ADARB2: variants seen among roughly 807,000 people sequenced by gnomAD.
ADARB2 encodes inactive double-stranded RNA-specific editase B2.
ADARB2 carries 25 observed loss-of-function variants against 62.2 expected under a neutral mutation model. The observed-to-expected ratio is 0.40, with a 90% CI of 0.29 to 0.56. The LOEUF is 0.56. Among genes scored for constraint, ADARB2 ranks in the 20% least tolerant of loss-of-function variants. ADARB2 has a pLI of 0.43. For synonymous variants in ADARB2, 572 were observed against 500.8 expected, an observed-to-expected ratio of 1.14 and a Z score of -1.90; for missense variants, 1,071 against 1,077.4, an observed-to-expected ratio of 0.99 and a Z score of 0.08.
chr10:1,521,456 C>T (rs1832073363), intron 1 of ADARB2, among the ~76,000 whole-genome samples: 1 of 152,212 alleles, frequency 6.6e-6, no homozygotes, highest in South Asian at 2.1e-4. Flanking sequence ...ACTTCCTCCC[C>T]AGCCAGGGCT....
chr10:1,418,069 C>A (rs1211864069), intron 1 of ADARB2, among the ~76,000 whole-genome samples: 1 of 152,212 alleles, frequency 6.6e-6, no homozygotes, highest in Non-Finnish European at 1.5e-5. Context: ...GACTTTGGAG[C>A]AGACGGCCCA....
intron 3 of ADARB2, among the ~76,000 whole-genome samples, chr10:1,332,400 A>G (rs1831936316): frequency 6.8e-6 from 1 of 147,998 alleles, no homozygotes; most frequent in Non-Finnish European, 1.5e-5. Flanking sequence ...TGGGTGATGG[A>G]GTGAGACCTT....
chr10:1,331,454 C>G (rs144670012), intron 3 of ADARB2, among the ~76,000 whole-genome samples: 1 of 152,276 alleles, frequency 6.6e-6, no homozygotes, highest in African/African-American at 2.4e-5. Context: ...TGACGTATGC[C>G]ACACCCTAAA....
chr10:1,675,899 A>T (rs1834461444), intron 1 of ADARB2: 1 of 778,658 alleles, frequency 1.3e-6, no homozygotes, highest in Non-Finnish European at 1.6e-6. Context: ...AGCTCAGAGG[A>T]AGGGGCTGCA....
At chr10:1,656,201 G>A (rs1219037661) in intron 1 of ADARB2, among the ~76,000 whole-genome samples, 2 of 152,106 alleles carry the variant, frequency 1.3e-5, no homozygotes, top group African/African-American at 4.8e-5. Context: ...CGCCAAAATG[G>A]GCATCAATTA....
intron 3 of ADARB2, among the ~76,000 whole-genome samples, chr10:1,329,183 C>G (rs1424242525): frequency 2.6e-5 from 4 of 152,136 alleles, no homozygotes; most frequent in African/African-American, 9.7e-5. Flanking sequence ...TTCAGCACGA[C>G]AGAGAGCATC....
chr10:1,588,793 A>G (rs1833211778), intron 1 of ADARB2, among the ~76,000 whole-genome samples: 1 of 152,178 alleles, frequency 6.6e-6, no homozygotes, highest in Non-Finnish European at 1.5e-5. Flanking sequence ...ACACAAATTC[A>G]TGAGAAAAAG....
At chr10:1,525,775 TTG>T (rs1209993965) in intron 1 of ADARB2, among the ~76,000 whole-genome samples, 3 of 151,606 alleles carry the variant, frequency 2.0e-5, no homozygotes, top group Non-Finnish European at 2.9e-5. Flanking sequence ...GCTCATGTGC[TTG>T]TGTGTTTATG....
intron 1 of ADARB2, among the ~76,000 whole-genome samples, chr10:1,471,038 A>G (rs1280333412): frequency 3.3e-5 from 5 of 152,160 alleles, no homozygotes; most frequent in Non-Finnish European, 5.9e-5. Context: ...CAGCCTGGGC[A>G]ACAGAGTGAG....
intron 1 of ADARB2, among the ~76,000 whole-genome samples, chr10:1,382,706 CT>C (rs35629334): frequency 0.034 from 4,911 of 142,976 alleles, 214 homozygotes; most frequent in African/African-American, 0.1. Context: ...GGATGCCATA[CT>C]TTTTTTTTTT....
chr10:1,642,506 G>T (rs1234131461), intron 1 of ADARB2, among the ~76,000 whole-genome samples: 1 of 152,042 alleles, frequency 6.6e-6, no homozygotes, highest in Non-Finnish European at 1.5e-5. Flanking sequence ...AGTTGTTATG[G>T]CTCAAATAAC....
intron 1 of ADARB2, among the ~76,000 whole-genome samples, chr10:1,396,667 G>C (rs1269242270): frequency 6.8e-6 from 1 of 146,460 alleles, no homozygotes; most frequent in Non-Finnish European, 1.5e-5. Flanking sequence ...CTCCCCTCCC[G>C]AGTGCAGGCT....
intron 3 of ADARB2, chr10:1,291,371 G>A (rs527246770): frequency 6.6e-6 from 1 of 152,332 alleles, no homozygotes; most frequent in Non-Finnish European, 1.5e-5. Flanking sequence ...AATGCACCTG[G>A]GTCCCTGAGG....
intron 1 of ADARB2, among the ~76,000 whole-genome samples, chr10:1,696,109 A>G (rs1834740241): frequency 6.6e-6 from 1 of 152,174 alleles, no homozygotes; most frequent in African/African-American, 2.4e-5. Context: ...ATATGCACAC[A>G]CATGTCCATG....
intron 4 of ADARB2, among the ~76,000 whole-genome samples, chr10:1,256,059 C>T (rs1418526349): frequency 2.0e-5 from 3 of 152,242 alleles, no homozygotes; most frequent in South Asian, 2.1e-4. Context: ...TCTCCACACT[C>T]GTCCCAGCAC....
chr10:1,563,957 A>G (rs1361864707), intron 1 of ADARB2, among the ~76,000 whole-genome samples: 3 of 150,006 alleles, frequency 2.0e-5, no homozygotes, highest in Admixed American at 6.6e-5. Flanking sequence ...AAAGGACATG[A>G]ACTCATCATT....
At chr10:1,349,001 T>G (rs975258980) in intron 3 of ADARB2, among the ~76,000 whole-genome samples, 1 of 152,126 alleles carries the variant, frequency 6.6e-6, no homozygotes, top group Non-Finnish European at 1.5e-5. Flanking sequence ...GATGGGACTA[T>G]GGACTCAGGG....
chr10:1,465,309 T>G (rs1355453012), intron 1 of ADARB2, among the ~76,000 whole-genome samples: 5 of 152,192 alleles, frequency 3.3e-5, no homozygotes, highest in African/African-American at 1.2e-4. Flanking sequence ...CAGCCATGTG[T>G]GCTTGTCAAA....
intron 4 of ADARB2, among the ~76,000 whole-genome samples, chr10:1,246,112 G>C (rs1223611551): frequency 1.3e-5 from 2 of 151,888 alleles, no homozygotes; most frequent in African/African-American, 4.8e-5. Flanking sequence ...TTTTTCATGT[G>C]TCTTTTGGCT....
Sources: allele counts gnomAD v4.1 joint callset (sites outside exome capture counted in the v4.1 genomes callset), GRCh38; gene constraint gnomAD v4.1.1; transcripts MANE v1.5; gene names NCBI Gene and HGNC (gene_info 2026-07-23, HGNC 2026-07-21).